Variants in TCF12 observed in about 807,000 individuals in gnomAD.
The protein encoded by TCF12 is DNA-binding protein HTF4.
TCF12 carries 45 observed loss-of-function variants against 86.0 expected under a neutral mutation model. That is an observed-to-expected ratio of 0.52 (90% CI 0.41 to 0.67). TCF12 has a LOEUF of 0.67. Among genes scored for constraint, TCF12 ranks in the 30% least tolerant of loss-of-function variants. The probability of loss-of-function intolerance (pLI) is 0.00; values close to 1 mark genes in which losing one functional copy is unlikely to be tolerated. For missense variants in TCF12, 881 were observed against 859.9 expected (o/e 1.02, Z -0.31); for synonymous variants, 330 against 299.6 (o/e 1.10, Z -1.05).
chr15:57,038,634 G>A (rs977036058), intron 3 of TCF12, among the ~76,000 whole-genome samples: 4 of 151,896 alleles, frequency 2.6e-5, no homozygotes, highest in African/African-American at 9.7e-5. Context: ...AATTAGGAGA[G>A]GATAATAAAA....
At chr15:56,961,843 TA>T (rs2061768508) in intron 3 of TCF12, among the ~76,000 whole-genome samples, 2 of 152,160 alleles carry the variant, frequency 1.3e-5, no homozygotes, top group Admixed American at 6.5e-5. Context: ...TAGGTGGTGA[TA>T]TAAAATATGT....
chr15:56,942,294 G>A (rs755533567), intron 3 of TCF12, among the ~76,000 whole-genome samples: 10 of 152,170 alleles, frequency 6.6e-5, no homozygotes, highest in Admixed American at 3.3e-4. Flanking sequence ...AAATATAAAT[G>A]CCACTTTTTG....
intron 4 of TCF12, among the ~76,000 whole-genome samples, chr15:57,086,945 T>C (rs1009373688): frequency 1.2e-4 from 18 of 152,234 alleles, no homozygotes; most frequent in African/African-American, 3.4e-4. Flanking sequence ...GAAAAAATTC[T>C]TGTATTTTTG....
intron 8 of TCF12, among the ~76,000 whole-genome samples, chr15:57,205,343 T>G (rs764084798): frequency 1.3e-5 from 2 of 152,124 alleles, no homozygotes; most frequent in Non-Finnish European, 2.9e-5. Flanking sequence ...TCCAAGGCCC[T>G]TAAGACTAGC....
In TCF12 at chr15:57,201,546, T is replaced by C. The variant is rs539710326; in HGVS notation, c.579+3721T>C. Reference sequence around the variant, plus strand: ...ATACAAGTTGCAACCTTTGTAATTTTCCTATAGCAAACCCACTCTTCTACT... The same window carrying C: ...ATACAAGTTGCAACCTTTGTAATTTCCCTATAGCAAACCCACTCTTCTACT... On this transcript the variant is annotated intron_variant, in intron 8 of 20. Transcript: ENST00000333725. 2.0e-5 allele frequency among the ~76,000 whole-genome samples: 3 copies of C among 152,110 alleles called. No individual in the cohort carries two copies. The South Asian group carries it at 6.2e-4, about 32-fold the overall frequency.
chr15:57,039,908 C>G (rs1295056605), intron 3 of TCF12, among the ~76,000 whole-genome samples: 2 of 152,140 alleles, frequency 1.3e-5, no homozygotes, highest in Admixed American at 6.5e-5. Context: ...GTCATCCAGA[C>G]CTAGTAATTT....
intron 6 of TCF12, among the ~76,000 whole-genome samples, chr15:57,169,772 T>TA (rs1400003055): frequency 6.6e-6 from 1 of 152,178 alleles, no homozygotes; most frequent in African/African-American, 2.4e-5. Flanking sequence ...TTAATGTTTT[T>TA]ATTATGTTCA....
chr15:57,020,752 A>G (rs115902651), intron 3 of TCF12, among the ~76,000 whole-genome samples: 1,764 of 152,208 alleles, frequency 0.012, 33 homozygotes, highest in African/African-American at 0.04. Context: ...CATATGTGGA[A>G]GCATTTTGGG....
chr15:57,185,319 T>A (rs2056603673), intron 6 of TCF12, among the ~76,000 whole-genome samples: 2 of 152,200 alleles, frequency 1.3e-5, no homozygotes, highest in African/African-American at 4.8e-5. Context: ...TTAAAGAAAC[T>A]GAAGCATTAA....
At chr15:57,110,681 C>CT (rs2050427443) in intron 5 of TCF12, among the ~76,000 whole-genome samples, 2 of 152,140 alleles carry the variant, frequency 1.3e-5, no homozygotes, top group Non-Finnish European at 2.9e-5. Context: ...GAAGTTCAGT[C>CT]TATCTTTACA....
chr15:56,998,307 A>G (rs1316321927), intron 3 of TCF12, among the ~76,000 whole-genome samples: 1 of 152,052 alleles, frequency 6.6e-6, no homozygotes, highest in East Asian at 1.9e-4. Context: ...AAATACAAAA[A>G]TTAGTTGGGT....
At chr15:57,110,891 A>G (rs1313716767) in intron 5 of TCF12, among the ~76,000 whole-genome samples, 1 of 152,184 alleles carries the variant, frequency 6.6e-6, no homozygotes, top group Non-Finnish European at 1.5e-5. Context: ...TATTATGCAA[A>G]AAGGGGGGAA....
chr15:57,065,330 G>A (rs866630646), intron 4 of TCF12, among the ~76,000 whole-genome samples: 18 of 152,058 alleles, frequency 1.2e-4, no homozygotes, highest in South Asian at 4.1e-4. Flanking sequence ...ATTTAATCTT[G>A]GACGCATTGT....
At chr15:57,189,450 G>A (rs2056864380) in intron 6 of TCF12, among the ~76,000 whole-genome samples, 1 of 152,130 alleles carries the variant, frequency 6.6e-6, no homozygotes, top group South Asian at 2.1e-4. Context: ...TTCTTCCCAA[G>A]GAGATATTCT....
intron 8 of TCF12, chr15:57,214,253 A>G (rs1320700545): frequency 6.6e-6 from 1 of 152,202 alleles, no homozygotes; most frequent in Non-Finnish European, 1.5e-5. Flanking sequence ...CTCAGTAATT[A>G]TATAGTTCTG....
At chr15:57,181,435 G>C (rs934908757) in intron 6 of TCF12, among the ~76,000 whole-genome samples, 3 of 694 alleles carry the variant, frequency 4.3e-3, no homozygotes, top group East Asian at 0.33. Flanking sequence ...ATAGCAGTAT[G>C]ATTCTGAATC....
intron 13 of TCF12, among the ~76,000 whole-genome samples, chr15:57,245,123 T>G (rs1480454163): frequency 6.6e-6 from 1 of 152,262 alleles, no homozygotes; most frequent in Non-Finnish European, 1.5e-5. Flanking sequence ...CATGCAGTTT[T>G]GTGTTTTGTT....
At chr15:57,180,736 C>G (rs2056279027) in intron 6 of TCF12, among the ~76,000 whole-genome samples, 1 of 150,544 alleles carries the variant, frequency 6.6e-6, no homozygotes, top group African/African-American at 2.5e-5. Flanking sequence ...ATGAGGTACT[C>G]TCCATCTAAT....
intron 18 of TCF12, among the ~76,000 whole-genome samples, chr15:57,268,851 G>A (rs1368863691): frequency 1.3e-5 from 2 of 149,614 alleles, no homozygotes; most frequent in African/African-American, 4.9e-5. Flanking sequence ...TTTTTCCTGA[G>A]AAGTTCTAAT....
Sources: gnomAD v4.1 joint callset for allele counts (sites outside exome capture counted in the v4.1 genomes callset) on GRCh38, gnomAD v4.1.1 for gene constraint, MANE v1.5 for transcripts, NCBI Gene and HGNC (gene_info 2026-07-23, HGNC 2026-07-21) for gene names.